Variants in AUH observed in about 807,000 individuals in gnomAD.
AUH encodes AU RNA binding methylglutaconyl-CoA hydratase, also known as methylglutaconyl-CoA hydratase, mitochondrial.
In AUH, 29 loss-of-function variants were observed where a neutral mutation model predicts 42.3. The ratio of observed to expected loss-of-function variants is 0.69; its 90% CI spans 0.51 to 0.93. The LOEUF (loss-of-function observed/expected upper bound fraction) is 0.93, where lower values mean the gene tolerates loss of function less well. Ranked by LOEUF, AUH falls within the 40% of genes least tolerant of loss-of-function variation. The pLI is 0.00. For synonymous variants in AUH, 174 were observed against 166.4 expected (o/e 1.05, Z -0.35); for missense variants, 452 against 438.1 (o/e 1.03, Z -0.28).
rs1587606414 is a variant in AUH at position 91,214,414 on chromosome 9, T to C, written c.954A>G (p.Thr318=). 1.2e-6 allele frequency: 2 copies of C among 1,608,690 alleles called. No homozygotes were observed. Among genetic ancestry groups the C allele is most frequent in the South Asian group, 1.1e-5 (1 of 90,516 alleles). The change falls in exon 10 of 10, where the codon ACA becomes ACG. Residue 318 remains threonine (T), a synonymous_variant. Transcript: ENST00000375731. ...CAAGAAGACCTTCAAGTCTGTCTTT[T>C]GTTGGAATGGTCTAAGAAAAACAAA... is the stretch of plus-strand genomic sequence containing the variant. The part of the protein sequence containing the change: ...EEACYAQTIP[T]KDRLEGLLAF...
At chr9:91,260,722 TC>T (rs1829664360) in intron 6 of AUH, among the ~76,000 whole-genome samples, 1 of 152,150 alleles carries the variant, frequency 6.6e-6, no homozygotes, top group African/African-American at 2.4e-5. Flanking sequence ...ATTCTTTCTT[TC>T]CCCACTTCTA....
chr9:91,332,085 G>T (rs1830368896), intron 3 of AUH, among the ~76,000 whole-genome samples: 1 of 152,226 alleles, frequency 6.6e-6, no homozygotes, highest in South Asian at 2.1e-4. Flanking sequence ...TAGTTTGAAA[G>T]ATTTCAATGT....
chr9:91,273,838 C>G (rs1486422681), intron 6 of AUH, among the ~76,000 whole-genome samples: 1 of 152,176 alleles, frequency 6.6e-6, no homozygotes, highest in African/African-American at 2.4e-5. Flanking sequence ...AGCTCTTTGA[C>G]GAACAATTTT....
chr9:91,225,154 A>T (rs1346087216), intron 6 of AUH, among the ~76,000 whole-genome samples: 1 of 152,188 alleles, frequency 6.6e-6, no homozygotes, highest in African/African-American at 2.4e-5. Context: ...TGGTTAAGGA[A>T]GTCAAATAGT....
At chr9:91,288,397 G>A (rs1368266664) in intron 6 of AUH, among the ~76,000 whole-genome samples, 4 of 152,090 alleles carry the variant, frequency 2.6e-5, no homozygotes, top group African/African-American at 9.7e-5. Flanking sequence ...TCTCCCAGTT[G>A]GGAGAGGATA....
chr9:91,226,121 A>G (rs374558500), intron 6 of AUH, among the ~76,000 whole-genome samples: 11,181 of 144,512 alleles, frequency 0.077, 400 homozygotes, highest in Middle Eastern at 0.09. Context: ...CTGAGGAATC[A>G]CCACACTGAC....
chr9:91,226,044 A>C (rs1017707854), intron 6 of AUH, among the ~76,000 whole-genome samples: 2 of 147,666 alleles, frequency 1.4e-5, no homozygotes, highest in African/African-American at 5.0e-5. Context: ...AGCATGATTT[A>C]TAGTCCTTTG....
Position 91,355,878 on chromosome 9 carries a change from C to A in AUH, c.418+5G>T. ...TTAATTTCATAATACAACATATTTA[C>A]ATACCAGCACAGAATATCCCTGGGA... On this transcript the variant is annotated splice_donor_5th_base_variant and intron_variant, in intron 3 of 9. Coordinates refer to ENST00000375731, the MANE Select transcript of AUH (RefSeq NM_001698.3). 6.2e-7 allele frequency: 1 copy of A among 1,600,044 alleles called. No individual in the cohort carries two copies. The highest frequency in any genetic ancestry group is 1.3e-5 in the African/African-American group (1 of 74,680).
intron 6 of AUH, among the ~76,000 whole-genome samples, chr9:91,286,810 T>C (rs962460617): frequency 6.6e-6 from 1 of 152,000 alleles, no homozygotes; most frequent in African/African-American, 2.4e-5. Flanking sequence ...GAGGAGATGT[T>C]AGCCAAAGTA....
intron 3 of AUH, among the ~76,000 whole-genome samples, chr9:91,337,731 A>T (rs188029289): frequency 6.8e-4 from 104 of 152,316 alleles, no homozygotes; most frequent in African/African-American, 2.4e-3. Context: ...GCTTTGTTAG[A>T]TGGAGGTGAG....
chr9:91,235,483 G>A (rs1219616246), intron 6 of AUH, among the ~76,000 whole-genome samples: 1 of 152,156 alleles, frequency 6.6e-6, no homozygotes, highest in African/African-American at 2.4e-5. Flanking sequence ...TAAGTATAAT[G>A]TATCTTTTAC....
chr9:91,267,865 C>T (rs1830061936), intron 6 of AUH, among the ~76,000 whole-genome samples: 1 of 152,242 alleles, frequency 6.6e-6, no homozygotes, highest in South Asian at 2.1e-4. Context: ...ACCACCTTTT[C>T]CATATGAGTT....
At chr9:91,322,647 T>C (rs1314434380) in intron 4 of AUH, among the ~76,000 whole-genome samples, 1 of 152,232 alleles carries the variant, frequency 6.6e-6, no homozygotes, top group African/African-American at 2.4e-5. Context: ...TTGTTCTGTA[T>C]ATAGCATAGA....
chr9:91,295,646 A>C (rs938888187), intron 6 of AUH, among the ~76,000 whole-genome samples: 1 of 152,218 alleles, frequency 6.6e-6, no homozygotes, highest in Non-Finnish European at 1.5e-5. Flanking sequence ...AAAGATTATG[A>C]TTCTTTGAAG....
At chr9:91,271,000 A>C (rs1402395566) in intron 6 of AUH, among the ~76,000 whole-genome samples, 1 of 152,230 alleles carries the variant, frequency 6.6e-6, no homozygotes, top group Non-Finnish European at 1.5e-5. Flanking sequence ...AATGAGTCAA[A>C]TATTAATAGT....
At chr9:91,357,435 G>A in intron 1 of AUH, 1 of 905,844 alleles carries the variant, frequency 1.1e-6, no homozygotes, top group Non-Finnish European at 1.3e-6. Context: ...AGAAAATCAA[G>A]CAGCTAAGAC....
intron 4 of AUH, among the ~76,000 whole-genome samples, chr9:91,320,632 G>A (rs1467793153): frequency 1.3e-5 from 2 of 152,202 alleles, no homozygotes; most frequent in African/African-American, 4.8e-5. Context: ...TTCATAAATC[G>A]TTCACTGGTC....
chr9:91,294,885 C>T, intron 6 of AUH: 1 of 412,974 alleles, frequency 2.4e-6, no homozygotes, highest in Non-Finnish European at 4.9e-6. Flanking sequence ...CATTATAAAA[C>T]TGGAATGGAT....
At chr9:91,358,969 A>G (rs1299266635) in intron 1 of AUH, among the ~76,000 whole-genome samples, 2 of 152,208 alleles carry the variant, frequency 1.3e-5, no homozygotes, top group Admixed American at 6.5e-5. Flanking sequence ...TCACAATTCA[A>G]TCACTTCTCA....
Sources: allele counts gnomAD v4.1 joint callset (sites outside exome capture counted in the v4.1 genomes callset), GRCh38; gene constraint gnomAD v4.1.1; transcripts MANE v1.5; gene names NCBI Gene and HGNC (gene_info 2026-07-23, HGNC 2026-07-21).